NELL1: variants seen among roughly 807,000 people sequenced by gnomAD.
NELL1 encodes protein kinase C-binding protein NELL1.
Under a neutral mutation model 107.4 loss-of-function variants are expected in NELL1, and 76 were observed. The ratio of observed to expected loss-of-function variants is 0.71; its 90% CI spans 0.59 to 0.86. The LOEUF (loss-of-function observed/expected upper bound fraction) is 0.86. NELL1 is among the 40% of genes least tolerant of loss of function. The probability of loss-of-function intolerance (pLI) is 0.00; values close to 1 mark genes in which losing one functional copy is unlikely to be tolerated. For missense variants in NELL1, 1,024 were observed against 1,005.5 expected, an observed-to-expected ratio of 1.02 and a Z score of -0.25; for synonymous variants, 353 against 341.2, an observed-to-expected ratio of 1.03 and a Z score of -0.38.
chr11:21,222,785 A>G (rs945133023), intron 13 of NELL1, among the ~76,000 whole-genome samples: 1 of 151,934 alleles, frequency 6.6e-6, no homozygotes, highest in African/African-American at 2.4e-5. Flanking sequence ...TTCTTCATTG[A>G]CCCAGTGGTC....
At chr11:21,520,014 C>T (rs748437695) in intron 15 of NELL1, among the ~76,000 whole-genome samples, 3 of 152,136 alleles carry the variant, frequency 2.0e-5, no homozygotes, top group Non-Finnish European at 4.4e-5. Context: ...ACAACAACAA[C>T]AACTTTGATC....
chr11:21,028,052 T>C (rs1852861048), intron 12 of NELL1, among the ~76,000 whole-genome samples: 2 of 152,172 alleles, frequency 1.3e-5, no homozygotes, highest in African/African-American at 4.8e-5. Flanking sequence ...TCAGAAACTT[T>C]GTTCGCTGAA....
intron 4 of NELL1, among the ~76,000 whole-genome samples, chr11:20,859,792 A>G (rs1456998484): frequency 1.1e-5 from 1 of 93,460 alleles, no homozygotes; most frequent in South Asian, 6.0e-4. Context: ...GCAGGAACTA[A>G]TAAGAGAGCA....
chr11:20,901,668 G>T (rs1179805393), intron 5 of NELL1, among the ~76,000 whole-genome samples: 3 of 151,978 alleles, frequency 2.0e-5, no homozygotes, highest in African/African-American at 4.8e-5. Context: ...AAAAGGAAGG[G>T]ACTTAGCCAT....
intron 12 of NELL1, among the ~76,000 whole-genome samples, chr11:21,005,720 G>T (rs1166217160): frequency 6.6e-6 from 1 of 152,182 alleles, no homozygotes; most frequent in Admixed American, 6.5e-5. Context: ...GTGCACACTT[G>T]CTTGAATCAT....
chr11:20,911,539 C>T (rs1329795644), intron 5 of NELL1, among the ~76,000 whole-genome samples: 1 of 152,162 alleles, frequency 6.6e-6, no homozygotes, highest in African/African-American at 2.4e-5. Context: ...CCACAGTTAC[C>T]ACTGTGTTGA....
At chr11:20,827,411 G>A (rs547465285) in intron 3 of NELL1, among the ~76,000 whole-genome samples, 3 of 151,406 alleles carry the variant, frequency 2.0e-5, no homozygotes, top group African/African-American at 7.2e-5. Flanking sequence ...AGCTAGGGAT[G>A]TACCATATTT....
At chr11:21,243,994 A>G (rs1858428598) in intron 14 of NELL1, among the ~76,000 whole-genome samples, 1 of 152,078 alleles carries the variant, frequency 6.6e-6, no homozygotes, top group Non-Finnish European at 1.5e-5. Context: ...GGTGGGATGC[A>G]ACATTGTAGC....
intron 5 of NELL1, among the ~76,000 whole-genome samples, chr11:20,897,715 T>C (rs1230482202): frequency 2.6e-5 from 4 of 151,848 alleles, no homozygotes; most frequent in Non-Finnish European, 5.9e-5. Context: ...TCAAACAAAT[T>C]TACAAGAAAA....
At chr11:21,378,098 G>A (rs1311319975) in intron 15 of NELL1, among the ~76,000 whole-genome samples, 1 of 151,788 alleles carries the variant, frequency 6.6e-6, no homozygotes, top group African/African-American at 2.4e-5. Flanking sequence ...TTTGTGGTGA[G>A]AGCATTCAAA....
At chr11:20,999,214 C>A (rs1415434293) in intron 12 of NELL1, among the ~76,000 whole-genome samples, 1 of 152,148 alleles carries the variant, frequency 6.6e-6, no homozygotes, top group Non-Finnish European at 1.5e-5. Context: ...AAAAGAGATA[C>A]CACAACCTTC....
At chr11:20,849,669 T>G (rs1848761620) in intron 4 of NELL1, among the ~76,000 whole-genome samples, 1 of 152,338 alleles carries the variant, frequency 6.6e-6, no homozygotes, top group Admixed American at 6.5e-5. Context: ...GAGGGAAAAC[T>G]TATGAAGTTG....
At chr11:21,159,290 C>T (rs902008315) in intron 13 of NELL1, among the ~76,000 whole-genome samples, 3 of 152,138 alleles carry the variant, frequency 2.0e-5, no homozygotes, top group Non-Finnish European at 4.4e-5. Context: ...ATACATCCTC[C>T]TCAGTTCTCC....
At chr11:21,147,234 G>A (rs542165870) in intron 13 of NELL1, among the ~76,000 whole-genome samples, 2 of 152,136 alleles carry the variant, frequency 1.3e-5, no homozygotes, top group Non-Finnish European at 2.9e-5. Context: ...GAAATGAGGA[G>A]CTGAACAAAA....
intron 15 of NELL1, among the ~76,000 whole-genome samples, chr11:21,469,123 C>G (rs1003497638): frequency 2.0e-5 from 3 of 152,006 alleles, no homozygotes; most frequent in Admixed American, 1.3e-4. Context: ...ACAGATCCAT[C>G]AGATTATTTT....
At chr11:20,678,562 A>G (rs1348852022) in intron 2 of NELL1, among the ~76,000 whole-genome samples, 1 of 152,146 alleles carries the variant, frequency 6.6e-6, no homozygotes, top group Non-Finnish European at 1.5e-5. Flanking sequence ...TAGAGAAAAC[A>G]TGGTGTGGTT....
chr11:20,714,485 G>A (rs1343744976), intron 2 of NELL1, among the ~76,000 whole-genome samples: 2 of 151,560 alleles, frequency 1.3e-5, no homozygotes, highest in African/African-American at 2.4e-5. Context: ...TGGGATTACA[G>A]GCGTGAACCA....
intron 3 of NELL1, among the ~76,000 whole-genome samples, chr11:20,809,804 T>C (rs188715781): frequency 6.6e-6 from 1 of 152,358 alleles, no homozygotes; most frequent in East Asian, 1.9e-4. Flanking sequence ...ATATCTTGGC[T>C]ATTGTGAATA....
intron 14 of NELL1, among the ~76,000 whole-genome samples, chr11:21,308,350 A>G (rs1325290742): frequency 2.0e-5 from 3 of 152,004 alleles, no homozygotes; most frequent in African/African-American, 7.2e-5. Context: ...TGAGAACAAG[A>G]GCATATTTAG....
Sources: gnomAD v4.1 joint callset for allele counts (sites outside exome capture counted in the v4.1 genomes callset) on GRCh38, gnomAD v4.1.1 for gene constraint, MANE v1.5 for transcripts, NCBI Gene and HGNC (gene_info 2026-07-23, HGNC 2026-07-21) for gene names.